SLC8A1: variants seen among roughly 807,000 people sequenced by gnomAD.
The protein encoded by SLC8A1 is solute carrier family 8 member A1, also known as sodium/calcium exchanger 1.
In SLC8A1, 18 loss-of-function variants were observed where a neutral mutation model predicts 68.3. That is an observed-to-expected ratio of 0.26 (90% CI 0.18 to 0.39). The LOEUF (loss-of-function observed/expected upper bound fraction) is 0.39, where lower values mean the gene tolerates loss of function less well. Ranked by LOEUF, SLC8A1 falls within the 10% of genes least tolerant of loss-of-function variation. The pLI is 1.00. For synonymous variants in SLC8A1, 475 were observed against 415.5 expected (o/e 1.14, Z -1.74); for missense variants, 985 against 1,156.7 (o/e 0.85, Z 2.15).
chr2:40,246,641 C>T (rs1020847142), intron 2 of SLC8A1, among the ~76,000 whole-genome samples: 5 of 152,296 alleles, frequency 3.3e-5, no homozygotes, highest in South Asian at 2.1e-4. Context: ...GCCCTCCAAA[C>T]AGACCTTTCA....
intron 2 of SLC8A1, among the ~76,000 whole-genome samples, chr2:40,374,243 G>A (rs187641418): frequency 1.7e-3 from 259 of 152,178 alleles, no homozygotes; most frequent in African/African-American, 5.8e-3. Flanking sequence ...CAGGCACAGC[G>A]GCTCATCTCT....
chr2:40,250,372 G>C (rs186621176), intron 2 of SLC8A1: 125 of 152,280 alleles, frequency 8.2e-4, no homozygotes, highest in African/African-American at 2.9e-3. Context: ...AAAACAATCT[G>C]AGACCTTGGC....
In SLC8A1 at chr2:40,200,192, TTA is replaced by T. The variant is rs1176638805; in HGVS notation, c.1809-22339_1809-22338del. Among the ~76,000 whole-genome samples the T allele has an allele frequency of 5.8e-3, 55 of 9,562 alleles. 2 individuals carry two copies. Among genetic ancestry groups the T allele is most frequent in the African/African-American group, 9.9e-3 (36 of 3,648 alleles). 6.3% of individuals were successfully genotyped at this position (9,562 alleles called of 152,430 possible). On this transcript the variant is annotated intron_variant, in intron 2 of 7. Transcript: ENST00000406785. ...GTCATTGATATATATATATATATAT[TTA>T]TATATATATATAAATATATATATAT...
intron 2 of SLC8A1, among the ~76,000 whole-genome samples, chr2:40,290,272 G>T (rs116695748): frequency 2.6e-5 from 4 of 151,916 alleles, no homozygotes; most frequent in Admixed American, 2.6e-4. Context: ...AAAAAAAAAG[G>T]TTTCTTTGTT....
chr2:40,134,568 T>G (rs962521289), intron 7 of SLC8A1, among the ~76,000 whole-genome samples: 1 of 152,222 alleles, frequency 6.6e-6, no homozygotes, highest in African/African-American at 2.4e-5. Context: ...TGCTTTTAAC[T>G]TTTGTCCCTT....
chr2:40,153,471 G>C (rs1164924824), intron 6 of SLC8A1, among the ~76,000 whole-genome samples: 2 of 152,160 alleles, frequency 1.3e-5, no homozygotes, highest in Non-Finnish European at 2.9e-5. Context: ...CTGTATCACA[G>C]AGAATGGGAA....
chr2:40,440,335 A>G (rs1290872445), intron 1 of SLC8A1, among the ~76,000 whole-genome samples: 1 of 152,190 alleles, frequency 6.6e-6, no homozygotes, highest in Non-Finnish European at 1.5e-5. Flanking sequence ...GGAGCCATTG[A>G]AAAAGGTAGA....
At chr2:40,440,074 T>C (rs923221340) in intron 1 of SLC8A1, among the ~76,000 whole-genome samples, 6 of 152,108 alleles carry the variant, frequency 3.9e-5, no homozygotes, top group African/African-American at 1.4e-4. Flanking sequence ...GTTGGTGACA[T>C]GGGAAAACAC....
intron 2 of SLC8A1, among the ~76,000 whole-genome samples, chr2:40,324,121 A>C (rs1271984750): frequency 6.6e-6 from 1 of 152,110 alleles, no homozygotes; most frequent in Non-Finnish European, 1.5e-5. Context: ...AAATAAATTT[A>C]TGTAAAAAGG....
intron 2 of SLC8A1, among the ~76,000 whole-genome samples, chr2:40,245,841 A>G (rs1472499379): frequency 6.6e-6 from 1 of 152,208 alleles, no homozygotes; most frequent in Non-Finnish European, 1.5e-5. Context: ...TAAGAGGTTT[A>G]TATCAGACTG....
At chr2:40,163,539 C>T (rs941126175) in intron 5 of SLC8A1, among the ~76,000 whole-genome samples, 1 of 152,164 alleles carries the variant, frequency 6.6e-6, no homozygotes, top group Non-Finnish European at 1.5e-5. Context: ...CAGAAATGGA[C>T]AGTCTGAGAT....
intron 2 of SLC8A1, among the ~76,000 whole-genome samples, chr2:40,323,463 T>G (rs964382837): frequency 6.6e-6 from 1 of 152,168 alleles, no homozygotes; most frequent in South Asian, 2.1e-4. Context: ...GATTAATCTA[T>G]TCAACATAAA....
intron 2 of SLC8A1, among the ~76,000 whole-genome samples, chr2:40,394,362 A>G (rs1686250438): frequency 6.6e-6 from 1 of 151,936 alleles, no homozygotes; most frequent in South Asian, 2.1e-4. Flanking sequence ...GCTTTTTCTA[A>G]CGTGGATTCA....
intron 2 of SLC8A1, among the ~76,000 whole-genome samples, chr2:40,378,284 A>G (rs1262222773): frequency 6.6e-6 from 1 of 152,156 alleles, no homozygotes; most frequent in African/African-American, 2.4e-5. Flanking sequence ...GAAAAGTGCC[A>G]TCTGAGTAAC....
intron 2 of SLC8A1, among the ~76,000 whole-genome samples, chr2:40,385,929 G>C (rs990021993): frequency 6.6e-6 from 1 of 150,990 alleles, no homozygotes; most frequent in African/African-American, 2.5e-5. Flanking sequence ...AGATTTGAGA[G>C]GTAGAAAGAA....
At chr2:40,427,627 C>T (rs1162291002) in intron 2 of SLC8A1, among the ~76,000 whole-genome samples, 1 of 152,118 alleles carries the variant, frequency 6.6e-6, no homozygotes, top group Non-Finnish European at 1.5e-5. Context: ...TATCAACTCT[C>T]AGTCGAAGAA....
intron 2 of SLC8A1, among the ~76,000 whole-genome samples, chr2:40,200,237 T>A (rs12473693): frequency 1.2e-3 from 24 of 19,908 alleles, no homozygotes; most frequent in Middle Eastern, 0.021. Flanking sequence ...TATATATATA[T>A]AAATATATAT....
intron 2 of SLC8A1, among the ~76,000 whole-genome samples, chr2:40,421,923 A>G (rs1695614561): frequency 6.6e-6 from 1 of 152,138 alleles, no homozygotes; most frequent in African/African-American, 2.4e-5. Flanking sequence ...GCAATGGAGG[A>G]GATTTCCTCT....
At chr2:40,272,746 A>G (rs1056511025) in intron 2 of SLC8A1, among the ~76,000 whole-genome samples, 11 of 152,142 alleles carry the variant, frequency 7.2e-5, no homozygotes, top group Admixed American at 5.2e-4. Flanking sequence ...TTGCAATTCT[A>G]TGTTTTACTT....
Sources: gnomAD v4.1 joint callset for allele counts (sites outside exome capture counted in the v4.1 genomes callset) on GRCh38, gnomAD v4.1.1 for gene constraint, MANE v1.5 for transcripts, NCBI Gene and HGNC (gene_info 2026-07-23, HGNC 2026-07-21) for gene names.